The following DOCK8 variants were observed in gnomAD, a reference collection of about 807,000 sequenced individuals.
DOCK8 encodes the protein dedicator of cytokinesis protein 8.
DOCK8 carries 141 observed loss-of-function variants against 245.6 expected under a neutral mutation model. The observed-to-expected ratio is 0.57, with a 90% CI of 0.50 to 0.66. DOCK8 has a LOEUF of 0.66. Ranked by LOEUF, DOCK8 falls within the 30% of genes least tolerant of loss-of-function variation. The probability of loss-of-function intolerance (pLI) is 0.00; values close to 1 mark genes in which losing one functional copy is unlikely to be tolerated. For synonymous variants in DOCK8, 1,168 were observed against 970.2 expected (o/e 1.20, Z -3.79); for missense variants, 2,965 against 2,603.4 (o/e 1.14, Z -3.02).
chr9:280,674 G>A (rs990191222), intron 2 of DOCK8: 1 of 152,144 alleles, frequency 6.6e-6, no homozygotes, highest in East Asian at 1.9e-4. Context: ...CCTGTTTAGG[G>A]ACTTTAATTA....
intron 46 of DOCK8, chr9:460,444 A>T (rs902707132): frequency 1.3e-5 from 2 of 152,234 alleles, no homozygotes; most frequent in African/African-American, 4.8e-5. Flanking sequence ...GTCATCCTGA[A>T]ACTGATCTTA....
intron 39 of DOCK8, among the ~76,000 whole-genome samples, chr9:435,497 T>C (rs950130947): frequency 2.0e-5 from 3 of 152,220 alleles, no homozygotes; most frequent in Non-Finnish European, 4.4e-5. Flanking sequence ...CAAAGACTTG[T>C]AGTTGACACA....
At chr9:238,033 C>T (rs1339384232) in intron 1 of DOCK8, among the ~76,000 whole-genome samples, 5 of 152,122 alleles carry the variant, frequency 3.3e-5, no homozygotes, top group East Asian at 3.8e-4. Context: ...AGATGAGTCA[C>T]GTTACTTTTT....
At chr9:383,700 C>CAAAAAAAAAA (rs1164310899) in intron 22 of DOCK8, among the ~76,000 whole-genome samples, 2 of 69,920 alleles carry the variant, frequency 2.9e-5, no homozygotes, top group African/African-American at 1.0e-4. Context: ...GACTCCGTCT[C>CAAAAAAAAAA]AAAAAAAAAA....
At chr9:328,320 T>G (rs1455231069) in intron 9 of DOCK8, 149 bp downstream of exon 9, 2 of 1,139,216 alleles carry the variant, frequency 1.8e-6, no homozygotes, top group Non-Finnish European at 2.5e-6. Flanking sequence ...CCTTTTCCGT[T>G]CTAAGTAAAC....
At chr9:448,841 T>C (rs2057343489) in intron 44 of DOCK8, among the ~76,000 whole-genome samples, 1 of 152,196 alleles carries the variant, frequency 6.6e-6, no homozygotes, top group Non-Finnish European at 1.5e-5. Flanking sequence ...ACATATACAT[T>C]TTGGGGGAAC....
At position 340,300 on chromosome 9, in the gene DOCK8, A is replaced by G; in HGVS notation, c.1658A>G (p.Tyr553Cys). The change falls in exon 14 of 48, where the codon TAT (tyrosine) becomes TGT (cysteine). Residue 553 changes from tyrosine (Y) to cysteine (C), a missense_variant. Coordinates refer to ENST00000432829, the MANE Select transcript of DOCK8 (RefSeq NM_203447.4). ...EILEFPTREV[Y>C]VPHTVYRNLL... ...TTGGAATTTCCAACACGAGAAGTAT[A>G]TGTCCCTCACACTGTGTACAGGTAA... The G allele has an allele frequency of 6.2e-7, 1 of 1,614,154 alleles. No individual in the cohort carries two copies. The highest frequency in any genetic ancestry group is 8.5e-7 in the Non-Finnish European group (1 of 1,180,006).
intron 4 of DOCK8, among the ~76,000 whole-genome samples, chr9:291,679 A>G (rs553686248): frequency 1.3e-5 from 2 of 152,098 alleles, no homozygotes; most frequent in East Asian, 3.9e-4. Flanking sequence ...AAATTTGTAC[A>G]TATTTATGAT....
At position 359,243 on chromosome 9, in the gene DOCK8, A is replaced by T. The variant is rs533870059; in HGVS notation, c.1680-8775A>T. ...TGTAGATATTATAAGACTACATTACAATAAAGTTCTGGTGAGTCTAATTGT... is the reference window on the plus strand; with the variant it reads ...TGTAGATATTATAAGACTACATTACTATAAAGTTCTGGTGAGTCTAATTGT... On this transcript the variant is annotated intron_variant, in intron 14 of 47. Transcript: ENST00000432829. 3.3e-5 allele frequency among the ~76,000 whole-genome samples: 5 copies of T among 152,320 alleles called. No homozygotes were observed. In the South Asian group the frequency reaches 8.3e-4, roughly 25 times the overall value.
intron 14 of DOCK8, among the ~76,000 whole-genome samples, chr9:367,294 G>A (rs1443745043): frequency 6.6e-6 from 1 of 152,082 alleles, no homozygotes; most frequent in African/African-American, 2.4e-5. Context: ...TAATACTCCT[G>A]TGTCCTAGGC....
At chr9:214,789 C>T (rs770233023), upstream of DOCK8, 110 of 1,570,744 alleles carry the variant, frequency 7.0e-5, no homozygotes, top group Admixed American at 1.9e-3. Context: ...CCGGCCGTCG[C>T]TGCTCCGAGC....
chr9:334,525 T>C, intron 11 of DOCK8, 141 bp downstream of exon 11: 2 of 866,880 alleles, frequency 2.3e-6, no homozygotes, highest in Non-Finnish European at 3.6e-6. Flanking sequence ...TGAAACACTG[T>C]TATGACTGGA....
intron 37 of DOCK8, among the ~76,000 whole-genome samples, chr9:432,693 G>A (rs2056761160): frequency 6.6e-6 from 1 of 152,140 alleles, no homozygotes; most frequent in Non-Finnish European, 1.5e-5. Flanking sequence ...CTGCAGGGAG[G>A]GATGACACTA....
upstream of DOCK8, among the ~76,000 whole-genome samples, chr9:211,730 T>C (rs1258253457): frequency 6.6e-6 from 1 of 152,080 alleles, no homozygotes; most frequent in Non-Finnish European, 1.5e-5. Context: ...GATGGAGTCA[T>C]TCCAAGATAC....
At chr9:403,858 A>ATCTC (rs749646963) in intron 26 of DOCK8, among the ~76,000 whole-genome samples, 1,502 of 83,720 alleles carry the variant, frequency 0.018, 24 homozygotes, top group Non-Finnish European at 0.023. Context: ...AAGACTCTGT[A>ATCTC]TCTCTCTCTC....
intron 5 of DOCK8, 116 bp from the exon 6 acceptor site, chr9:311,838 G>T (rs1000927112): frequency 6.3e-6 from 8 of 1,269,468 alleles, no homozygotes; most frequent in Non-Finnish European, 9.1e-6. Flanking sequence ...AAGACTTGAG[G>T]CCTGGCTGAG....
At chr9:359,199 G>A (rs2052599480) in intron 14 of DOCK8, among the ~76,000 whole-genome samples, 1 of 152,158 alleles carries the variant, frequency 6.6e-6, no homozygotes, top group South Asian at 2.1e-4. Flanking sequence ...TTTATTTGGA[G>A]TAACATCCCT....
chr9:217,375 G>T (rs553403583), intron 1 of DOCK8, among the ~76,000 whole-genome samples: 1 of 152,308 alleles, frequency 6.6e-6, no homozygotes, highest in East Asian at 1.9e-4. Context: ...CCAGTGGCTG[G>T]CTGGGAGCTT....
chr9:303,436 C>T (rs1284726830), intron 4 of DOCK8, among the ~76,000 whole-genome samples: 2 of 152,160 alleles, frequency 1.3e-5, no homozygotes, highest in East Asian at 1.9e-4. Flanking sequence ...ACATATACAC[C>T]ATGAAATACC....
Sources: allele counts gnomAD v4.1 joint callset (sites outside exome capture counted in the v4.1 genomes callset), GRCh38; gene constraint gnomAD v4.1.1; transcripts MANE v1.5; gene names NCBI Gene and HGNC (gene_info 2026-07-23, HGNC 2026-07-21).